CENPF: variants seen among roughly 807,000 people sequenced by gnomAD.
The protein encoded by CENPF is centromere protein F, also known as AH antigen.
CENPF carries 214 observed loss-of-function variants against 307.3 expected under a neutral mutation model. That is an observed-to-expected ratio of 0.70 (90% CI 0.62 to 0.78). The LOEUF (loss-of-function observed/expected upper bound fraction) is 0.78. Among genes scored for constraint, CENPF ranks in the 30% least tolerant of loss-of-function variants. The pLI, the probability that CENPF is intolerant of heterozygous loss-of-function variation, is 0.00. For missense variants in CENPF, 3,401 were observed against 3,483.9 expected, an observed-to-expected ratio of 0.98 and a Z score of 0.60; for synonymous variants, 1,259 against 1,270.6, an observed-to-expected ratio of 0.99 and a Z score of 0.19.
intron 1 of CENPF, among the ~76,000 whole-genome samples, chr1:214,606,785 C>A (rs778908417): frequency 5.6e-4 from 86 of 152,278 alleles, no homozygotes; most frequent in Non-Finnish European, 1.1e-3. Flanking sequence ...GTGTGCAGCC[C>A]GTGACCCAGC....
chr1:214,615,935 C>T (rs1156254466), intron 3 of CENPF, among the ~76,000 whole-genome samples: 2 of 152,006 alleles, frequency 1.3e-5, no homozygotes, highest in African/African-American at 4.8e-5. Context: ...AAATATTCTT[C>T]TTATCTAGTA....
At chr1:214,630,721 T>TA in intron 9 of CENPF, 59 bp downstream of exon 9, 2 of 1,575,992 alleles carry the variant, frequency 1.3e-6, no homozygotes. Context: ...TTGTACTTGT[T>TA]ACTTCTCTAC....
chr1:214,651,228 A>G (rs567917052), intron 14 of CENPF, among the ~76,000 whole-genome samples: 1 of 152,322 alleles, frequency 6.6e-6, no homozygotes, highest in Admixed American at 6.5e-5. Context: ...AGTTCTTCAC[A>G]GTGAAGGGAT....
In CENPF at chr1:214,658,272, G is replaced by A. The variant is rs1658696784; in HGVS notation, c.8963-578G>A. 1.3e-5 allele frequency among the ~76,000 whole-genome samples: 2 copies of A among 152,046 alleles called. 1 individual carries two copies. Among genetic ancestry groups the A allele is most frequent in the South Asian group, 4.2e-4 (2 of 4,814 alleles). ...GATACACTAACTCTTAGTATCCCTG[G>A]GATTGACTTTCTTTCCTGGGTCATC... On this transcript the variant is annotated intron_variant, in intron 18 of 19. Coordinates refer to ENST00000366955, the MANE Select transcript of CENPF (RefSeq NM_016343.4).
rs1216087260 is a variant in CENPF at position 214,643,244 on chromosome 1, C to T, written c.4906C>T (p.Leu1636Phe). ...AAAGAAACAGACGGAACAACTGTCACTTGAGCTGGAAGTAGCACGACTCCA... is the reference window on the plus strand; with the variant it reads ...AAAGAAACAGACGGAACAACTGTCATTTGAGCTGGAAGTAGCACGACTCCA... ...AEKKQTEQLS[L>F]ELEVARLQLQ... The change falls in exon 12 of 20, where the codon CTT becomes TTT. Residue 1636 changes from leucine to phenylalanine, a missense_variant. Transcript: ENST00000366955. 1 of 1,589,322 alleles carries T rather than the reference C, an allele frequency of 6.3e-7. No individual in the cohort carries two copies. Among genetic ancestry groups the T allele is most frequent in the African/African-American group, 1.4e-5 (1 of 73,300 alleles).
chr1:214,619,165 A>C lies in CENPF; in HGVS notation c.518A>C (p.Lys173Thr). 1.9e-6 allele frequency: 3 copies of C among 1,580,324 alleles called. No individual in the cohort carries two copies. Among genetic ancestry groups the C allele is most frequent in the Non-Finnish European group, 2.6e-6 (3 of 1,153,912 alleles). Residue 173 changes from lysine (K) to threonine (T), a missense_variant, in exon 5 of 20, where the codon AAA becomes ACA. By Grantham distance (78) the Lys-to-Thr change is moderately conservative. Coordinates refer to ENST00000366955, the MANE Select transcript of CENPF (RefSeq NM_016343.4). ...GAAGATCTAAAAGAAAAATATAATA[A>C]AGAGGTTGAAGAACGAAAAAGATTA... ...KYEDLKEKYN[K>T]EVEERKRLEA...
intron 1 of CENPF, among the ~76,000 whole-genome samples, chr1:214,606,854 C>G (rs1657047393): frequency 6.6e-6 from 1 of 152,252 alleles, no homozygotes. Context: ...CGGGACCCAC[C>G]TGCCACCCTG....
chr1:214,655,802 G>A (rs1035021399), intron 17 of CENPF, among the ~76,000 whole-genome samples: 1 of 152,142 alleles, frequency 6.6e-6, no homozygotes, highest in Non-Finnish European at 1.5e-5. Context: ...TGTTGCCCAG[G>A]CTGGTCTTGA....
In CENPF at chr1:214,630,523, T is replaced by A; in HGVS notation, c.1195-11T>A. ...ATCATCAGGCTGATGCACCTGCCCTTTGTTTTTCAGGAGCTCTCCCGTCAA... is the reference window on the plus strand; with the variant it reads ...ATCATCAGGCTGATGCACCTGCCCTATGTTTTTCAGGAGCTCTCCCGTCAA... On this transcript the variant is annotated splice_polypyrimidine_tract_variant and intron_variant, in intron 8 of 19. Coordinates refer to ENST00000366955, the MANE Select transcript of CENPF (RefSeq NM_016343.4). 6 of 1,613,920 alleles carry A rather than the reference T, an allele frequency of 3.7e-6. No individual in the cohort carries two copies. Among genetic ancestry groups the A allele is most frequent in the Non-Finnish European group, 4.2e-6 (5 of 1,179,918 alleles).
Position 214,655,545 on chromosome 1 carries a change from A to G in CENPF, c.8485+142A>G, listed in dbSNP as rs77349072. ...TTTTTTACCATTAATCCATTTTCCA[A>G]TTTCTGAATTTTGTGCTTATCTTGG... On this transcript the variant is annotated intron_variant, in intron 17 of 19. Coordinates refer to ENST00000366955, the MANE Select transcript of CENPF (RefSeq NM_016343.4). 5,559 of 720,222 alleles carry G rather than the reference A, an allele frequency of 7.7e-3. 232 individuals are homozygous for G. In the African/African-American group the frequency reaches 0.092, roughly 12 times the overall value. 44.6% of individuals were successfully genotyped at this position (720,222 alleles called of 1,614,324 possible). A position where few individuals can be genotyped will look rare whatever the true frequency, so the allele number is the denominator to read the frequency against.
In CENPF at chr1:214,657,181, C is replaced by G; in HGVS notation, c.8734C>G (p.Pro2912Ala). 1 of 1,614,180 alleles carries G rather than the reference C, an allele frequency of 6.2e-7. No homozygotes were observed. Among genetic ancestry groups the G allele is most frequent in the African/African-American group, 1.3e-5 (1 of 75,044 alleles). The change falls in exon 18 of 20, where the codon CCA becomes GCA. Residue 2912 changes from proline (P) to alanine (A), a missense_variant. Coordinates refer to ENST00000366955, the MANE Select transcript of CENPF (RefSeq NM_016343.4). ...AGGTCCAGTTGTTCCAGGACCATCT[C>G]CAATCCCTTCTGTTACTGAAAAGAG... Reference protein sequence around the residue: ...LLGPVVPGPSPIPSVTEKRLS... With the variant: ...LLGPVVPGPSAIPSVTEKRLS...
chr1:214,651,634 C>T, intron 14 of CENPF, 76 bp from the exon 15 acceptor site: 1 of 1,132,988 alleles, frequency 8.8e-7, no homozygotes, highest in Non-Finnish European at 1.3e-6. Context: ...ACACAGTACA[C>T]ATTATTTCCT....
At chr1:214,626,447 G>A (rs540841824) in intron 7 of CENPF, among the ~76,000 whole-genome samples, 1 of 152,140 alleles carries the variant, frequency 6.6e-6, no homozygotes, top group Non-Finnish European at 1.5e-5. Context: ...TCCTAGTGCA[G>A]TGCCTTATAC....
In CENPF at chr1:214,645,811, G is replaced by C; in HGVS notation, c.6241G>C (p.Glu2081Gln). The C allele has an allele frequency of 6.2e-7, 1 of 1,614,176 alleles. No individual in the cohort carries two copies. The highest frequency in any genetic ancestry group is 8.5e-7 in the Non-Finnish European group (1 of 1,180,030). Residue 2081 changes from glutamate to glutamine, a missense_variant, in exon 13 of 20, where the codon GAA becomes CAA. By Grantham distance (29) the Glu-to-Gln change is conservative (BLOSUM62 2). Transcript: ENST00000366955. Reference sequence around the variant, plus strand: ...TGAAAGCCTGCAGGCCAGACTGAGTGAATCAGATTATGAAAAGCTGAATGT... The same window carrying C: ...TGAAAGCCTGCAGGCCAGACTGAGTCAATCAGATTATGAAAAGCTGAATGT... ...ESESLQARLSESDYEKLNVSK... is the reference protein window; with the variant it reads ...ESESLQARLSQSDYEKLNVSK...
rs753137609 is a variant in CENPF at position 214,639,901 on chromosome 1, T to C, written c.1583-20T>C. 1.4e-6 allele frequency: 2 copies of C among 1,460,754 alleles called. No homozygotes were observed. The highest frequency in any genetic ancestry group is 2.7e-5 in the Admixed American group (1 of 37,556). 90.5% of individuals were successfully genotyped at this position (1,460,754 alleles called of 1,614,324 possible). On this transcript the variant is annotated intron_variant, in intron 11 of 19. Transcript: ENST00000366955. ...AACATTTATTACAAACATTGACGAC[T>C]TTTATTTATTTTTAAATAGCGAAGA...
Position 214,640,589 on chromosome 1 carries a change from C to G in CENPF, c.2251C>G (p.Arg751Gly). The change falls in exon 12 of 20, where the codon CGG becomes GGG. Residue 751 changes from arginine to glycine, a missense_variant. Transcript: ENST00000366955. ...LLSNEIMDKD[R>G]CYQDLHAEYE... is the part of the protein sequence containing the mutation. Reference sequence around the variant, plus strand: ...GTCAAATGAAATAATGGACAAAGACCGGTGTTACCAAGACTTGCATGCCGA... The same window carrying G: ...GTCAAATGAAATAATGGACAAAGACGGGTGTTACCAAGACTTGCATGCCGA... 1 of 1,614,004 alleles carries G rather than the reference C, an allele frequency of 6.2e-7. No individual in the cohort carries two copies. The highest frequency in any genetic ancestry group is 1.1e-5 in the South Asian group (1 of 91,060).
chr1:214,619,363 G>A (rs1657445361), intron 5 of CENPF, 143 bp downstream of exon 5: 6 of 495,528 alleles, frequency 1.2e-5, no homozygotes, highest in Non-Finnish European at 2.2e-5. Flanking sequence ...TTTGGGCTCA[G>A]TGGAGGTGAT....
intron 1 of CENPF, among the ~76,000 whole-genome samples, chr1:214,609,685 A>G (rs1183717761): frequency 6.6e-6 from 1 of 152,180 alleles, no homozygotes; most frequent in Non-Finnish European, 1.5e-5. Flanking sequence ...TTTGTTGCCC[A>G]GGTACTAAGC....
In CENPF at chr1:214,635,990, AT is replaced by A. The variant is rs560641859; in HGVS notation, c.1447-1866del. Among the ~76,000 whole-genome samples, 459 of 150,354 alleles carry A rather than the reference AT, an allele frequency of 3.1e-3. 1 individual carries two copies. The highest frequency in any genetic ancestry group is 9.2e-3 in the East Asian group (47 of 5,126). ...AGGTGTCATTTGATTTGATTAAAAAATTTTTTTTTTAGAGTAAGAAAATATT... is the reference window on the plus strand; with the variant it reads ...AGGTGTCATTTGATTTGATTAAAAAATTTTTTTTTAGAGTAAGAAAATATT... On this transcript the variant is annotated intron_variant, in intron 10 of 19. Coordinates refer to ENST00000366955, the MANE Select transcript of CENPF (RefSeq NM_016343.4).
Sources: gnomAD v4.1 joint callset for allele counts (sites outside exome capture counted in the v4.1 genomes callset) on GRCh38, gnomAD v4.1.1 for gene constraint, MANE v1.5 for transcripts, NCBI Gene and HGNC (gene_info 2026-07-23, HGNC 2026-07-21) for gene names.